SAMMSON: variants seen among roughly 807,000 people sequenced by gnomAD.
SAMMSON encodes the protein survival associated mitochondrial melanoma specific oncogenic non-coding RNA.
chr3:70,281,082 G>A (rs146986709), intron 6 of SAMMSON, among the ~76,000 whole-genome samples: 2 of 152,232 alleles, frequency 1.3e-5, no homozygotes, highest in East Asian at 3.9e-4. Flanking sequence ...AATTTTGTAT[G>A]CCTTTTCTCC....
At chr3:70,371,445 A>T (rs1336747277) in intron 9 of SAMMSON, among the ~76,000 whole-genome samples, 1 of 152,112 alleles carries the variant, frequency 6.6e-6, no homozygotes, top group Non-Finnish European at 1.5e-5. Context: ...ATCCATGAGC[A>T]CAAAATGTTT....
chr3:70,266,698 C>A (rs7427582), intron 6 of SAMMSON, among the ~76,000 whole-genome samples: 151,202 of 152,290 alleles, frequency 0.99, 75,070 homozygotes, highest in Non-Finnish European at 1. Context: ...CTTCTGCCTC[C>A]GCCTCCCAAA....
intron 2 of SAMMSON, among the ~76,000 whole-genome samples, chr3:70,402,377 A>T (rs1214542079): frequency 1.3e-5 from 2 of 152,296 alleles, no homozygotes; most frequent in South Asian, 2.1e-4. Flanking sequence ...ATATGCATGC[A>T]CAGTTTTAGG....
intron 4 of SAMMSON, among the ~76,000 whole-genome samples, chr3:70,236,547 T>C (rs1701610825): frequency 6.6e-6 from 1 of 152,210 alleles, no homozygotes; most frequent in Non-Finnish European, 1.5e-5. Context: ...TATTAATTTT[T>C]TAAAGTCCAT....
At chr3:70,027,728 C>T (rs1370810474) in intron 3 of SAMMSON, among the ~76,000 whole-genome samples, 1 of 152,172 alleles carries the variant, frequency 6.6e-6, no homozygotes, top group Non-Finnish European at 1.5e-5. Flanking sequence ...ATCTTAGAAG[C>T]CATACATCAT....
At chr3:70,158,846 CT>C (rs2067602735) in intron 4 of SAMMSON, among the ~76,000 whole-genome samples, 1 of 151,912 alleles carries the variant, frequency 6.6e-6, no homozygotes. Context: ...CAAATTTATA[CT>C]TTTGTATTAG....
intron 4 of SAMMSON, among the ~76,000 whole-genome samples, chr3:70,117,545 A>G (rs186462599): frequency 2.0e-5 from 3 of 152,358 alleles, no homozygotes; most frequent in African/African-American, 7.2e-5. Flanking sequence ...GAAAAGTTAA[A>G]TTATACAGAG....
In SAMMSON at chr3:70,186,001, T is replaced by G. The variant is rs112959033; in HGVS notation, n.508-63106T>G. On this transcript the variant is annotated intron_variant and non_coding_transcript_variant, in intron 4 of 9. Coordinates refer to ENST00000642114, the Ensembl canonical transcript of SAMMSON. ...CAAAAAAACCCAGAAAACAAAAATT[T>G]TATGCCATAGTCCTGACCCACTACT... 8.0e-3 allele frequency among the ~76,000 whole-genome samples: 1,208 copies of G among 151,922 alleles called. 18 individuals are homozygous for G. Among genetic ancestry groups the G allele is most frequent in the African/African-American group, 0.028 (1,147 of 41,416 alleles).
chr3:70,302,998 T>C (rs1702365407), intron 7 of SAMMSON, among the ~76,000 whole-genome samples: 1 of 152,202 alleles, frequency 6.6e-6, no homozygotes, highest in African/African-American at 2.4e-5. Context: ...TGCTGAACTT[T>C]CTAAATATAA....
intron 4 of SAMMSON, among the ~76,000 whole-genome samples, chr3:70,133,824 T>G (rs966367839): frequency 6.6e-6 from 1 of 152,148 alleles, no homozygotes; most frequent in Non-Finnish European, 1.5e-5. Flanking sequence ...AAATATATGA[T>G]CCACATGTTA....
intron 3 of SAMMSON, among the ~76,000 whole-genome samples, chr3:70,049,323 A>G (rs1559780710): frequency 6.6e-6 from 1 of 152,152 alleles, no homozygotes; most frequent in Non-Finnish European, 1.5e-5. Context: ...TGGCCAGGAA[A>G]GGCTACCCAG....
At position 70,285,648 on chromosome 3, in the gene SAMMSON, G is replaced by A. The variant is rs200652602; in HGVS notation, n.675-5531G>A. Among the ~76,000 whole-genome samples the A allele has an allele frequency of 2.5e-4, 38 of 150,638 alleles. No homozygotes were observed. The East Asian group carries it at 7.1e-3, about 28-fold the overall frequency. On this transcript the variant is annotated intron_variant and non_coding_transcript_variant, in intron 6 of 9. Transcript: ENST00000642114. ...GAATCGCCACACTGACTTCCACAAT[G>A]GTTGAACTAGTTTACAGTCCCACCA...
chr3:70,223,893 T>A (rs1342308498), intron 4 of SAMMSON, among the ~76,000 whole-genome samples: 1 of 152,196 alleles, frequency 6.6e-6, no homozygotes, highest in African/African-American at 2.4e-5. Context: ...TCTCTTACTC[T>A]GCTTCATCAA....
chr3:70,315,902 A>G (rs1043367390), intron 7 of SAMMSON, among the ~76,000 whole-genome samples: 1 of 152,172 alleles, frequency 6.6e-6, no homozygotes, highest in Non-Finnish European at 1.5e-5. Context: ...GATTCCCTGT[A>G]CAAAGAGTGT....
intron 4 of SAMMSON, among the ~76,000 whole-genome samples, chr3:70,139,295 C>T (rs1009602200): frequency 1.3e-5 from 2 of 152,112 alleles, no homozygotes; most frequent in African/African-American, 2.4e-5. Context: ...CCTTGGCCTC[C>T]TAAGGTGCTG....
At chr3:70,402,942 A>T (rs1276542532) in intron 2 of SAMMSON, among the ~76,000 whole-genome samples, 1 of 151,910 alleles carries the variant, frequency 6.6e-6, no homozygotes, top group Non-Finnish European at 1.5e-5. Context: ...TATATATATT[A>T]TATATATATC....
chr3:70,209,334 T>A (rs1416671376), intron 4 of SAMMSON, among the ~76,000 whole-genome samples: 1 of 152,086 alleles, frequency 6.6e-6, no homozygotes, highest in Non-Finnish European at 1.5e-5. Flanking sequence ...TGCATTTCCC[T>A]TGTGGGACAA....
chr3:70,092,912 T>TG (rs555128471), intron 4 of SAMMSON, among the ~76,000 whole-genome samples: 271 of 150,712 alleles, frequency 1.8e-3, no homozygotes, highest in Middle Eastern at 0.01. Flanking sequence ...GTTTTTTTTT[T>TG]TTTGTTTTTT....
At chr3:70,412,716 G>C (rs72949115) in intron 2 of SAMMSON, among the ~76,000 whole-genome samples, 4,008 of 152,222 alleles carry the variant, frequency 0.026, 210 homozygotes, top group African/African-American at 0.092. Flanking sequence ...TGGTAGATTA[G>C]AGTCTACTTA....
Sources: allele counts gnomAD v4.1 joint callset (sites outside exome capture counted in the v4.1 genomes callset), GRCh38; gene constraint gnomAD v4.1.1; transcripts MANE v1.5; gene names NCBI Gene and HGNC (gene_info 2026-07-23, HGNC 2026-07-21).